The following AHCTF1 variants were observed in gnomAD, a reference collection of about 807,000 sequenced individuals.
AHCTF1 encodes AT-hook containing transcription factor 1.
In AHCTF1, 24 loss-of-function variants were observed where a neutral mutation model predicts 248.4. That is an observed-to-expected ratio of 0.10 (90% CI 0.07 to 0.14). The LOEUF is 0.14. Among genes scored for constraint, AHCTF1 ranks in the 10% least tolerant of loss-of-function variants. The pLI is 1.00. For missense variants in AHCTF1, 2,206 were observed against 2,636.2 expected, an observed-to-expected ratio of 0.84 and a Z score of 3.57; for synonymous variants, 786 against 929.8, an observed-to-expected ratio of 0.85 and a Z score of 2.81.
chr1:246,916,000 C>T (rs1051206718), intron 3 of AHCTF1, 142 bp downstream of exon 3: 9 of 984,612 alleles, frequency 9.1e-6, no homozygotes, highest in Non-Finnish European at 1.3e-5. Flanking sequence ...AAACACTTTA[C>T]CTAAGAGTAA....
At chr1:246,929,892 A>T (rs986330257) in intron 1 of AHCTF1, among the ~76,000 whole-genome samples, 10 of 152,272 alleles carry the variant, frequency 6.6e-5, no homozygotes, top group Non-Finnish European at 1.3e-4. Flanking sequence ...TCTCTACTAA[A>T]AATACAAAAA....
intron 14 of AHCTF1, among the ~76,000 whole-genome samples, chr1:246,893,487 C>A (rs1245507486): frequency 6.6e-6 from 1 of 152,240 alleles, no homozygotes; most frequent in Non-Finnish European, 1.5e-5. Flanking sequence ...TTTACTTTCA[C>A]TTACAGTGCA....
At chr1:246,890,818 A>T (rs1664161178) in intron 16 of AHCTF1, 138 bp downstream of exon 16, 2 of 503,454 alleles carry the variant, frequency 4.0e-6, no homozygotes, top group South Asian at 1.3e-4. Context: ...TAAGAAAAGA[A>T]GGTTAAGCAT....
intron 5 of AHCTF1, among the ~76,000 whole-genome samples, chr1:246,905,871 T>C (rs1478745865): frequency 6.6e-6 from 1 of 152,046 alleles, no homozygotes; most frequent in Non-Finnish European, 1.5e-5. Flanking sequence ...GAGACAGAAC[T>C]GGGAAGACTC....
intron 25 of AHCTF1, 119 bp from the exon 26 acceptor site, chr1:246,867,470 AAAT>A: frequency 3.0e-6 from 3 of 998,074 alleles, no homozygotes; most frequent in Non-Finnish European, 4.4e-6. Context: ...CATTGCTTAC[AAAT>A]AATAATGAAC....
chr1:246,858,687 T>C lies in AHCTF1; in HGVS notation c.4133-873A>G, dbSNP rs528088826. Among the ~76,000 whole-genome samples, 29 of 151,314 alleles carry C rather than the reference T, an allele frequency of 1.9e-4. No homozygotes were observed. In the South Asian group the frequency reaches 3.5e-3, roughly 19 times the overall value. ...TAATAATACAAAAATTGGCTGGGCATGGTGGCACGTGCCTGTAATCCCAGC... is the reference window on the plus strand; with the variant it reads ...TAATAATACAAAAATTGGCTGGGCACGGTGGCACGTGCCTGTAATCCCAGC... On this transcript the variant is annotated intron_variant, in intron 29 of 35. Transcript: ENST00000648844.
intron 21 of AHCTF1, among the ~76,000 whole-genome samples, chr1:246,880,911 T>A (rs577061112): frequency 6.6e-6 from 1 of 152,318 alleles, no homozygotes; most frequent in Non-Finnish European, 1.5e-5. Flanking sequence ...TAGGCTAGCA[T>A]GTTGGCAGTA....
At chr1:246,931,218 C>T (rs755981311) in intron 1 of AHCTF1, 18 of 1,550,210 alleles carry the variant, frequency 1.2e-5, no homozygotes, top group Non-Finnish European at 1.4e-5. Context: ...GGCCCGCCAA[C>T]GAGTCCATCG....
At chr1:246,858,812 AAAT>A (rs1462377343) in intron 29 of AHCTF1, among the ~76,000 whole-genome samples, 2 of 151,368 alleles carry the variant, frequency 1.3e-5, no homozygotes, top group Non-Finnish European at 3.0e-5. Context: ...AAAAAAAAAA[AAAT>A]AAATACAAAT....
rs116432106 is a variant in AHCTF1 at position 246,919,872 on chromosome 1, G to A, written c.-7-1495C>T. Among the ~76,000 whole-genome samples the A allele has an allele frequency of 5.6e-3, 851 of 151,974 alleles. 9 individuals are homozygous for A. The highest frequency in any genetic ancestry group is 0.02 in the African/African-American group (816 of 41,458). On this transcript the variant is annotated intron_variant, in intron 1 of 35. Coordinates refer to ENST00000648844, the MANE Select transcript of AHCTF1 (RefSeq NM_001323342.2). ...AAAATAAACTCACAGAGCCAGGCAG[G>A]GTGGCTCATGCCTGTAACACCACTT...
intron 1 of AHCTF1, among the ~76,000 whole-genome samples, chr1:246,922,962 G>T (rs1484547705): frequency 1.6e-5 from 2 of 122,518 alleles, no homozygotes; most frequent in Non-Finnish European, 3.2e-5. Context: ...TAGCCTGGGC[G>T]ACAGAGCGAG....
At chr1:246,852,974 T>G (rs1660824737) in intron 32 of AHCTF1, 117 bp downstream of exon 32, 1 of 705,688 alleles carries the variant, frequency 1.4e-6, no homozygotes, top group Non-Finnish European at 2.3e-6. Flanking sequence ...TTTTTATAAA[T>G]AAGTTTTTAT....
At position 246,931,454 on chromosome 1, in the gene AHCTF1, G is replaced by A. The variant is rs1430789118; in HGVS notation, c.-8+124C>T. On this transcript the variant is annotated intron_variant, in intron 1 of 35. Coordinates refer to ENST00000648844, the MANE Select transcript of AHCTF1 (RefSeq NM_001323342.2). ...TTGGCCCCGCGCACGCCCGGCCTAG[G>A]CCCGGCGCTCGCGGGGCAGAAGCCC... 10 of 1,134,430 alleles carry A rather than the reference G, an allele frequency of 8.8e-6. No individual in the cohort carries two copies. The East Asian group carries it at 3.6e-4, about 40-fold the overall frequency. The allele number at this position is 1,134,430 out of a possible 1,614,324, so 70.3% of individuals were successfully genotyped here. A position where few individuals can be genotyped will look rare whatever the true frequency, so the allele number is the denominator to read the frequency against.
chr1:246,894,564 C>G, intron 14 of AHCTF1, 95 bp downstream of exon 14: 1 of 1,053,420 alleles, frequency 9.5e-7, no homozygotes, highest in East Asian at 2.6e-5. Context: ...GAGTTTACAA[C>G]TTCAAAATGA....
intron 17 of AHCTF1, among the ~76,000 whole-genome samples, chr1:246,889,758 T>C (rs545352662): frequency 1.3e-5 from 2 of 152,350 alleles, no homozygotes; most frequent in African/African-American, 4.8e-5. Context: ...CCACTTTCTT[T>C]GTCTATTACC....
At chr1:246,848,287 C>A (rs975625698) in intron 33 of AHCTF1, among the ~76,000 whole-genome samples, 1 of 151,988 alleles carries the variant, frequency 6.6e-6, no homozygotes, top group East Asian at 2.0e-4. Context: ...AATCTTGGAT[C>A]ACTGCAAGCT....
intron 10 of AHCTF1, 58 bp downstream of exon 10, chr1:246,900,007 C>G: frequency 6.8e-7 from 1 of 1,478,168 alleles, no homozygotes; most frequent in Non-Finnish European, 9.3e-7. Context: ...ACAACGTATA[C>G]ATTTACATAC....
At chr1:246,891,667 T>A in intron 15 of AHCTF1, 112 bp downstream of exon 15, 1 of 1,157,692 alleles carries the variant, frequency 8.6e-7, no homozygotes, top group South Asian at 1.6e-5. Context: ...ACTGGAGAAA[T>A]AAAGTCCTCT....
In AHCTF1 at chr1:246,871,547, G is replaced by A. The variant is rs1616541; in HGVS notation, c.3089-3736C>T. Among the ~76,000 whole-genome samples the A allele has an allele frequency of 9.4e-3, 1,428 of 152,246 alleles. 29 individuals are homozygous for A. The highest frequency in any genetic ancestry group is 0.033 in the African/African-American group (1,354 of 41,536). ...GAGTAACATCACAGAAAGGGGCCCAGAAAAACAAGGTATACAGTGCTGTCC... is the reference window on the plus strand; with the variant it reads ...GAGTAACATCACAGAAAGGGGCCCAAAAAAACAAGGTATACAGTGCTGTCC... On this transcript the variant is annotated intron_variant, in intron 24 of 35. Coordinates refer to ENST00000648844, the MANE Select transcript of AHCTF1 (RefSeq NM_001323342.2).
Sources: gnomAD v4.1 joint callset for allele counts (sites outside exome capture counted in the v4.1 genomes callset) on GRCh38, gnomAD v4.1.1 for gene constraint, MANE v1.5 for transcripts, NCBI Gene and HGNC (gene_info 2026-07-23, HGNC 2026-07-21) for gene names.